RSPO2: variants seen among roughly 807,000 people sequenced by gnomAD.
RSPO2 encodes R-spondin 2, also known as R-spondin-2.
A neutral mutation model predicts 30.9 loss-of-function variants in RSPO2; 14 were observed. The observed-to-expected ratio is 0.45, with a 90% CI of 0.30 to 0.71. RSPO2 has a LOEUF of 0.71. Among genes scored for constraint, RSPO2 ranks in the 30% least tolerant of loss-of-function variants. The pLI is 0.08. For missense variants in RSPO2, 264 were observed against 301.9 expected, an observed-to-expected ratio of 0.87 and a Z score of 0.93; for synonymous variants, 107 against 96.4, an observed-to-expected ratio of 1.11 and a Z score of -0.64.
rs374070705 is a variant in RSPO2, at chr8:108,001,471, C to T, written c.95-12227G>A. 1.5e-3 allele frequency among the ~76,000 whole-genome samples: 231 copies of T among 152,194 alleles called. 1 individual carries two copies. Among genetic ancestry groups the T allele is most frequent in the South Asian group, 6.4e-3 (31 of 4,818 alleles). On this transcript the variant is annotated intron_variant, in intron 2 of 5. Coordinates refer to ENST00000276659, the MANE Select transcript of RSPO2 (RefSeq NM_178565.5). Reference sequence around the variant, plus strand: ...TCTTAATGCATATCCCTACACTAGACGTTAATTCTCACAGGTAATGAAAAA... The same window carrying T: ...TCTTAATGCATATCCCTACACTAGATGTTAATTCTCACAGGTAATGAAAAA...
At chr8:108,029,503 T>C (rs574476061) in intron 2 of RSPO2, among the ~76,000 whole-genome samples, 2 of 152,184 alleles carry the variant, frequency 1.3e-5, no homozygotes, top group Non-Finnish European at 2.9e-5. Context: ...GCTCTACTCA[T>C]ATATTCCACA....
chr8:107,924,159 T>G (rs532372926), intron 5 of RSPO2, among the ~76,000 whole-genome samples: 1 of 151,330 alleles, frequency 6.6e-6, no homozygotes, highest in Non-Finnish European at 1.5e-5. Flanking sequence ...AAACTGAGGT[T>G]ACTACAAACA....
chr8:108,067,511 C>T (rs7006224), intron 2 of RSPO2, among the ~76,000 whole-genome samples: 46,075 of 152,048 alleles, frequency 0.3, 7,814 homozygotes, highest in African/African-American at 0.46. Flanking sequence ...ATTTGTTCAG[C>T]CTGGGTGAGG....
At chr8:107,924,309 T>A (rs1812284690) in intron 5 of RSPO2, among the ~76,000 whole-genome samples, 1 of 151,990 alleles carries the variant, frequency 6.6e-6, no homozygotes, top group South Asian at 2.1e-4. Flanking sequence ...GCATTGCATA[T>A]ATCAAACAAT....
Position 107,991,082 on chromosome 8 carries a change from T to C in RSPO2, c.95-1838A>G, listed in dbSNP as rs142546624. On this transcript the variant is annotated intron_variant, in intron 2 of 5. Coordinates refer to ENST00000276659, the MANE Select transcript of RSPO2 (RefSeq NM_178565.5). ...CCTATCTCTACAAAAAATAAATAAA[T>C]AAACAAAACACAAAATTAGCTGGGC... Among the ~76,000 whole-genome samples, 1,187 of 151,930 alleles carry C rather than the reference T, an allele frequency of 7.8e-3. 8 individuals are homozygous for C. The highest frequency in any genetic ancestry group is 0.012 in the Non-Finnish European group (823 of 67,954).
intron 2 of RSPO2, among the ~76,000 whole-genome samples, chr8:108,051,314 A>T (rs921815559): frequency 9.9e-5 from 15 of 152,106 alleles, no homozygotes; most frequent in African/African-American, 3.1e-4. Context: ...GCTGGAGGGG[A>T]GAGGAAGGGG....
At chr8:107,933,193 C>T (rs1455534345) in intron 5 of RSPO2, among the ~76,000 whole-genome samples, 1 of 152,144 alleles carries the variant, frequency 6.6e-6, no homozygotes, top group Non-Finnish European at 1.5e-5. Context: ...CCTCTCCAAT[C>T]TGATGCGAGT....
At position 108,056,541 on chromosome 8, in the gene RSPO2, T is replaced by C. The variant is rs140672553; in HGVS notation, c.94+26004A>G. 8.6e-3 allele frequency among the ~76,000 whole-genome samples: 1,238 copies of C among 144,254 alleles called. 33 individuals carry two copies. Among genetic ancestry groups the C allele is most frequent in the African/African-American group, 0.031 (1,178 of 38,580 alleles). 94.6% of individuals were successfully genotyped at this position (144,254 alleles called of 152,430 possible). A position where few individuals can be genotyped will look rare whatever the true frequency, so the allele number is the denominator to read the frequency against. On this transcript the variant is annotated intron_variant, in intron 2 of 5. Transcript: ENST00000276659. ...GGGAGGCTGAGGTGAGAGGATCACTTGAGCCCAAGAGGTCAAGGCTGCAGT... is the reference window on the plus strand; with the variant it reads ...GGGAGGCTGAGGTGAGAGGATCACTCGAGCCCAAGAGGTCAAGGCTGCAGT...
chr8:107,903,632 AT>A (rs1220701188), intron 5 of RSPO2, among the ~76,000 whole-genome samples: 1 of 152,108 alleles, frequency 6.6e-6, no homozygotes, highest in African/African-American at 2.4e-5. Context: ...ATGTAAAATA[AT>A]TTTTTAACTT....
intron 4 of RSPO2, among the ~76,000 whole-genome samples, chr8:107,958,717 G>A (rs533749795): frequency 6.6e-6 from 1 of 152,022 alleles, no homozygotes; most frequent in South Asian, 2.1e-4. Context: ...ATTCTTACAG[G>A]ACCTAGTGTG....
At chr8:107,926,654 T>C (rs185957496) in intron 5 of RSPO2, among the ~76,000 whole-genome samples, 16 of 152,294 alleles carry the variant, frequency 1.1e-4, no homozygotes, top group Admixed American at 9.8e-4. Flanking sequence ...AAATAGGGAA[T>C]CCTTTCCCCA....
In RSPO2 at chr8:107,908,205, G is replaced by A. The variant is rs558906769; in HGVS notation, c.617-7015C>T. Among the ~76,000 whole-genome samples, 6 of 152,186 alleles carry A rather than the reference G, an allele frequency of 3.9e-5. No homozygotes were observed. In the East Asian group the frequency reaches 9.7e-4, roughly 25 times the overall value. ...GAGTGTATGACATGGCTTTTAAAGG[G>A]GCAGTAAGAATATTCCATAACCTTT... On this transcript the variant is annotated intron_variant, in intron 5 of 5. Transcript: ENST00000276659.
chr8:107,917,856 A>G (rs970285548), intron 5 of RSPO2, among the ~76,000 whole-genome samples: 6 of 152,190 alleles, frequency 3.9e-5, no homozygotes, highest in Non-Finnish European at 8.8e-5. Flanking sequence ...CAAAATTCCT[A>G]GTCAATTGTG....
chr8:108,002,227 T>C (rs1418739614), intron 2 of RSPO2, among the ~76,000 whole-genome samples: 1 of 152,138 alleles, frequency 6.6e-6, no homozygotes, highest in East Asian at 1.9e-4. Context: ...CAGATCTAAA[T>C]ATATACATTT....
chr8:108,060,138 C>T (rs932053217), intron 2 of RSPO2, among the ~76,000 whole-genome samples: 3 of 151,798 alleles, frequency 2.0e-5, no homozygotes, highest in Non-Finnish European at 4.4e-5. Context: ...GCATTTCCAA[C>T]TGAGGAACAC....
intron 5 of RSPO2, among the ~76,000 whole-genome samples, chr8:107,924,702 T>C (rs192429051): frequency 1.1e-4 from 16 of 152,108 alleles, no homozygotes; most frequent in Admixed American, 8.5e-4. Flanking sequence ...CATACATATA[T>C]AGAAACCTCA....
intron 3 of RSPO2, among the ~76,000 whole-genome samples, chr8:107,967,223 A>G (rs1162669151): frequency 6.6e-6 from 1 of 152,214 alleles, no homozygotes; most frequent in Non-Finnish European, 1.5e-5. Context: ...TTAGACTTTC[A>G]GCAAATTTTC....
chr8:108,041,361 A>G (rs1184543337), intron 2 of RSPO2, among the ~76,000 whole-genome samples: 1 of 152,124 alleles, frequency 6.6e-6, no homozygotes. Context: ...AAGAATACCT[A>G]AAACTCTTTG....
chr8:108,056,323 G>C (rs62535503), intron 2 of RSPO2, among the ~76,000 whole-genome samples: 25,096 of 151,874 alleles, frequency 0.17, 2,705 homozygotes, highest in East Asian at 0.43. Flanking sequence ...CAAAACCTAC[G>C]CTTGGGCCCA....
Sources: allele counts gnomAD v4.1 joint callset (sites outside exome capture counted in the v4.1 genomes callset), GRCh38; gene constraint gnomAD v4.1.1; transcripts MANE v1.5; gene names NCBI Gene and HGNC (gene_info 2026-07-23, HGNC 2026-07-21).